MTOR: variants seen among roughly 807,000 people sequenced by gnomAD.
MTOR encodes the protein serine/threonine-protein kinase mTOR.
A neutral mutation model predicts 319.8 loss-of-function variants in MTOR; 70 were observed. The ratio of observed to expected loss-of-function variants is 0.22; its 90% CI spans 0.18 to 0.27. The LOEUF is 0.27. Ranked by LOEUF, MTOR falls within the 10% of genes least tolerant of loss-of-function variation. The pLI is 1.00. For synonymous variants in MTOR, 1,183 were observed against 1,211.4 expected, an observed-to-expected ratio of 0.98 and a Z score of 0.49; for missense variants, 1,890 against 3,274.4, an observed-to-expected ratio of 0.58 and a Z score of 10.32.
At chr1:11,175,512 C>T (rs1385850022) in intron 28 of MTOR, among the ~76,000 whole-genome samples, 4 of 152,174 alleles carry the variant, frequency 2.6e-5, no homozygotes, top group African/African-American at 9.7e-5. Context: ...AAGAAATTGC[C>T]TTGCTGCCTT....
rs529616967 is a variant in MTOR at position 11,236,541 on chromosome 1, C to T, written c.2208+1302G>A. The stretch of plus-strand genomic sequence containing the variant: ...TTTTTTTTTTTGAGACAGAGTCTCG[C>T]TCTGTCGCCAGGCTGGAGTGCAGTG... On this transcript the variant is annotated intron_variant, in intron 13 of 57. Transcript: ENST00000361445. Among the ~76,000 whole-genome samples, 9 of 146,418 alleles carry T rather than the reference C, an allele frequency of 6.1e-5. No individual in the cohort carries two copies. The South Asian group carries it at 1.8e-3, about 29-fold the overall frequency.
rs755875739 is a variant in MTOR at position 11,230,894 on chromosome 1, G to C, written c.2779+31C>G. The C allele has an allele frequency of 3.1e-6, 5 of 1,612,742 alleles. No homozygotes were observed. The South Asian group carries it at 5.5e-5, about 18-fold the overall frequency. ...GCAAGGGCTCTGTGAGTGAGAACTT[G>C]GCAAGTCTTTCATGGCTACCCCCAA... On this transcript the variant is annotated intron_variant, in intron 18 of 57. Coordinates refer to ENST00000361445, the MANE Select transcript of MTOR (RefSeq NM_004958.4).
intron 8 of MTOR, among the ~76,000 whole-genome samples, chr1:11,244,208 C>A (rs1648488771): frequency 6.7e-6 from 1 of 148,680 alleles, no homozygotes; most frequent in African/African-American, 2.5e-5. Flanking sequence ...AGGAGAATCG[C>A]TTGAACCCGG....
At chr1:11,242,779 A>C (rs1648251082) in intron 9 of MTOR, among the ~76,000 whole-genome samples, 1 of 152,238 alleles carries the variant, frequency 6.6e-6, no homozygotes, top group South Asian at 2.1e-4. Flanking sequence ...GTTCCAGTCA[A>C]GGATTCCTCT....
chr1:11,238,613 G>A lies in MTOR; in HGVS notation c.1791C>T (p.His597=), dbSNP rs1389648610. ...RTLGSFEFEG[H]SLTQFVRHCA... The stretch of plus-strand genomic sequence containing the variant: ...AGTGGCGAACAAATTGGGTCAGAGA[G>A]TGGCCTGGATAGAAAGGCAGAGAGA... The change falls in exon 12 of 58, where the codon CAC becomes CAT. Residue 597 remains histidine, a synonymous_variant. Transcript: ENST00000361445. The A allele has an allele frequency of 3.1e-6, 5 of 1,609,834 alleles. No individual in the cohort carries two copies. The African/African-American group carries it at 6.7e-5, about 21-fold the overall frequency.
At chr1:11,194,216 A>G (rs1214084581) in intron 28 of MTOR, among the ~76,000 whole-genome samples, 1 of 152,216 alleles carries the variant, frequency 6.6e-6, no homozygotes, top group Non-Finnish European at 1.5e-5. Context: ...TATAAGCAGG[A>G]AAGTGAGGAA....
chr1:11,208,304 T>C lies in MTOR; in HGVS notation c.3801+1008A>G, dbSNP rs114839750. Among the ~76,000 whole-genome samples, 592 of 152,378 alleles carry C rather than the reference T, an allele frequency of 3.9e-3. 5 individuals carry two copies. The highest frequency in any genetic ancestry group is 0.014 in the African/African-American group (583 of 41,590). On this transcript the variant is annotated intron_variant, in intron 25 of 57. Transcript: ENST00000361445. Reference sequence around the variant, plus strand: ...ACCTCCATCTTAACCCAGCAAACGTTTCTTAGCAGTGGTCACTTGAAGCTG... The same window carrying C: ...ACCTCCATCTTAACCCAGCAAACGTCTCTTAGCAGTGGTCACTTGAAGCTG...
chr1:11,161,570 C>G (rs1241740186), intron 29 of MTOR, among the ~76,000 whole-genome samples: 1 of 152,156 alleles, frequency 6.6e-6, no homozygotes, highest in Non-Finnish European at 1.5e-5. Context: ...CGGCTGGGTG[C>G]CCCTCTGAGA....
At chr1:11,248,907 A>G (rs1290543518) in intron 6 of MTOR, among the ~76,000 whole-genome samples, 1 of 152,038 alleles carries the variant, frequency 6.6e-6, no homozygotes, top group Non-Finnish European at 1.5e-5. Flanking sequence ...ACTCATGTCT[A>G]TTACCTTTAC....
At chr1:11,143,234 A>G (rs767716837) in intron 34 of MTOR, among the ~76,000 whole-genome samples, 38 of 152,204 alleles carry the variant, frequency 2.5e-4, no homozygotes, top group Non-Finnish European at 4.9e-4. Flanking sequence ...CAAGATAGGA[A>G]AGTCACGAAG....
At chr1:11,130,272 G>A (rs1224161382) in intron 39 of MTOR, among the ~76,000 whole-genome samples, 3 of 152,240 alleles carry the variant, frequency 2.0e-5, no homozygotes, top group African/African-American at 7.2e-5. Context: ...GCAGCACGTA[G>A]AGAATGAGCT....
Position 11,262,535 on chromosome 1 carries a change from TC to T in MTOR, c.-106del, listed in dbSNP as rs1226653214. On this transcript the variant is annotated 5_prime_UTR_variant, in exon 1 of 58. Coordinates refer to ENST00000361445, the MANE Select transcript of MTOR (RefSeq NM_004958.4). ...GCCCCACCGCCCGCCTTCCCCGCTG[TC>T]CTCTAAGCCGGGAGCGAGGGAAGGA... is the stretch of plus-strand genomic sequence containing the variant. The T allele has an allele frequency of 6.6e-6, 1 of 152,406 alleles. No individual in the cohort carries two copies. The highest frequency in any genetic ancestry group is 2.4e-5 in the African/African-American group (1 of 41,456). 9.4% of individuals were successfully genotyped at this position (152,406 alleles called of 1,614,324 possible).
chr1:11,144,670 T>C lies in MTOR; in HGVS notation c.4850A>G (p.Gln1617Arg). The change falls in exon 34 of 58, where the codon CAG becomes CGG. Residue 1617 changes from glutamine (Q) to arginine (R), a missense_variant. Around this residue, in one of 15 missense-constraint regions of MTOR, gnomAD observed 276 missense variants for 459.4 expected, o/e 0.60. Coordinates refer to ENST00000361445, the MANE Select transcript of MTOR (RefSeq NM_004958.4). The stretch of plus-strand genomic sequence containing the variant: ...CACCTGCAGTCTCTCCCACCAGATC[T>C]GGCGGATGATCTCTCGTCGCTCGGG... ...LVPERREIIRQIWWERLQGCQ... is the reference protein window; with the variant it reads ...LVPERREIIRRIWWERLQGCQ... 1 of 1,614,164 alleles carries C rather than the reference T, an allele frequency of 6.2e-7. No homozygotes were observed. Among genetic ancestry groups the C allele is most frequent in the Non-Finnish European group, 8.5e-7 (1 of 1,180,026 alleles).
intron 23 of MTOR, among the ~76,000 whole-genome samples, chr1:11,211,474 C>A (rs1557427388): frequency 6.6e-6 from 1 of 152,150 alleles, no homozygotes; most frequent in East Asian, 1.9e-4. Context: ...CTCAAGCGAT[C>A]CCTCTGCCTT....
At chr1:11,188,211 T>C (rs1421886272) in intron 28 of MTOR, among the ~76,000 whole-genome samples, 1 of 152,224 alleles carries the variant, frequency 6.6e-6, no homozygotes, top group Non-Finnish European at 1.5e-5. Context: ...ACAGAGTTAC[T>C]GTTTTAAGGA....
In MTOR at chr1:11,226,066, T is replaced by C. The variant is rs528867073; in HGVS notation, c.3030+2602A>G. On this transcript the variant is annotated intron_variant, in intron 19 of 57. Transcript: ENST00000361445. ...ATTTAAAAATACATTATAACCAAGG[T>C]GGTTTTAATATAAGAATGCCAGCAT... 3.2e-4 allele frequency among the ~76,000 whole-genome samples: 49 copies of C among 152,282 alleles called. No homozygotes were observed. In the South Asian group the frequency reaches 8.1e-3, roughly 25 times the overall value.
intron 38 of MTOR, chr1:11,132,703 G>GTGTAGATCT: frequency 5.9e-6 from 1 of 169,002 alleles, no homozygotes; most frequent in South Asian, 1.8e-4. Flanking sequence ...TGAGGAGCAG[G>GTGTAGATCT]CAAGGATGCA....
intron 11 of MTOR, among the ~76,000 whole-genome samples, chr1:11,238,823 C>T (rs1006764093): frequency 1.3e-5 from 2 of 149,938 alleles, no homozygotes; most frequent in African/African-American, 4.9e-5. Flanking sequence ...AGTGCAGTGG[C>T]GCAATCTCCA....
Position 11,129,095 on chromosome 1 carries a change from G to A in MTOR, c.5715-144C>T, listed in dbSNP as rs558256610. The A allele has an allele frequency of 1.8e-5, 12 of 663,622 alleles. No homozygotes were observed. Among genetic ancestry groups the A allele is most frequent in the African/African-American group, 1.6e-4 (9 of 55,878 alleles). The allele number at this position is 663,622 out of a possible 1,614,324, so 41.1% of individuals were successfully genotyped here. A position where few individuals can be genotyped will look rare whatever the true frequency, so the allele number is the denominator to read the frequency against. ...ATGTGTTTGGCCTCCCATGGGAGCA[G>A]GTGTCTGTGATGGGTGGCAGTGCTC... On this transcript the variant is annotated intron_variant, in intron 40 of 57. Coordinates refer to ENST00000361445, the MANE Select transcript of MTOR (RefSeq NM_004958.4). This position sits in a 1 kb window ranked among gnomAD's most constrained non-coding sequence, Gnocchi z 4.7.
Sources: gnomAD v4.1 joint callset for allele counts (sites outside exome capture counted in the v4.1 genomes callset) on GRCh38, gnomAD v4.1.1 for gene constraint, gnomAD v4.1.1 regional missense constraint, Gnocchi (gnomAD v3.1) non-coding constraint, MANE v1.5 for transcripts, NCBI Gene and HGNC (gene_info 2026-07-23, HGNC 2026-07-21) for gene names.